The following ANKIB1 variants were observed in gnomAD, a reference collection of about 807,000 sequenced individuals.
The protein encoded by ANKIB1 is ankyrin repeat and IBR domain containing 1.
A neutral mutation model predicts 122.1 loss-of-function variants in ANKIB1; 43 were observed. The observed-to-expected ratio is 0.35, with a 90% confidence interval of 0.28 to 0.45. ANKIB1 has a LOEUF of 0.45. ANKIB1 is among the 20% of genes least tolerant of loss of function. The probability of loss-of-function intolerance (pLI) is 1.00; values close to 1 mark genes in which losing one functional copy is unlikely to be tolerated. For missense variants in ANKIB1, 992 were observed against 1,329.5 expected (o/e 0.75, Z 3.95); for synonymous variants, 390 against 442.0 (o/e 0.88, Z 1.48).
Position 92,399,078 on chromosome 7 carries a change from A to G in ANKIB1, c.*129A>G, listed in dbSNP as rs1804962098. On this transcript the variant is annotated 3_prime_UTR_variant, in exon 20 of 20. Transcript: ENST00000265742. ...AACCACTGACATTAGGGTTGAATAC[A>G]GAGAAGTTCCCTTGAATGGTAGCTT... The G allele has an allele frequency of 6.7e-6, 7 of 1,049,840 alleles. No homozygotes were observed. Among genetic ancestry groups the G allele is most frequent in the Non-Finnish European group, 8.9e-6 (7 of 789,148 alleles). 65.0% of individuals were successfully genotyped at this position (1,049,840 alleles called of 1,614,324 possible).
intron 4 of ANKIB1, among the ~76,000 whole-genome samples, chr7:92,321,371 A>G (rs1209058317): frequency 6.6e-6 from 1 of 152,102 alleles, no homozygotes; most frequent in Non-Finnish European, 1.5e-5. Flanking sequence ...CTTATCTGAA[A>G]CTTTATACCC....
At chr7:92,353,172 G>T (rs772039136) in intron 9 of ANKIB1, among the ~76,000 whole-genome samples, 23 of 152,162 alleles carry the variant, frequency 1.5e-4, no homozygotes, top group Non-Finnish European at 3.1e-4. Flanking sequence ...TTTTGATTTA[G>T]TAGGTTTTTG....
intron 17 of ANKIB1, 47 bp downstream of exon 17, chr7:92,392,339 G>A (rs769483005): frequency 2.0e-6 from 3 of 1,522,308 alleles, no homozygotes; most frequent in African/African-American, 2.8e-5. Context: ...TCTTAGTGCA[G>A]TCGTGCTTGC....
chr7:92,303,985 T>A (rs1802504486), intron 2 of ANKIB1, among the ~76,000 whole-genome samples: 1 of 152,122 alleles, frequency 6.6e-6, no homozygotes, highest in South Asian at 2.1e-4. Context: ...GATGGATTTT[T>A]TCCCCAGGTT....
At chr7:92,300,033 C>G (rs555509862) in intron 2 of ANKIB1, among the ~76,000 whole-genome samples, 1 of 152,236 alleles carries the variant, frequency 6.6e-6, no homozygotes, top group East Asian at 1.9e-4. Context: ...TCTTGAACTC[C>G]TGAGCTCAAG....
chr7:92,316,363 A>G (rs1802794027), intron 3 of ANKIB1, among the ~76,000 whole-genome samples: 2 of 152,206 alleles, frequency 1.3e-5, no homozygotes, highest in Admixed American at 6.5e-5. Context: ...TCTTTTACTT[A>G]CTGGTGTTCC....
intron 11 of ANKIB1, 125 bp downstream of exon 11, chr7:92,371,732 C>A: frequency 1.8e-6 from 2 of 1,111,210 alleles, no homozygotes; most frequent in Non-Finnish European, 2.5e-6. Flanking sequence ...AATCCCAGCA[C>A]TTCAGGAGGT....
intron 9 of ANKIB1, among the ~76,000 whole-genome samples, chr7:92,359,156 T>C (rs1803888788): frequency 6.6e-6 from 1 of 152,166 alleles, no homozygotes; most frequent in Non-Finnish European, 1.5e-5. Flanking sequence ...CATGCCATGG[T>C]GGTTTGCTGC....
intron 1 of ANKIB1, among the ~76,000 whole-genome samples, chr7:92,293,956 CTT>C (rs1022716076): frequency 7.2e-5 from 11 of 152,166 alleles, no homozygotes; most frequent in African/African-American, 2.7e-4. Context: ...TTAAGTAACT[CTT>C]ATAATCCTCA....
chr7:92,372,389 C>T (rs1288629725), intron 11 of ANKIB1, among the ~76,000 whole-genome samples: 2 of 151,984 alleles, frequency 1.3e-5, no homozygotes, highest in African/African-American at 4.8e-5. Flanking sequence ...GCAAATAATA[C>T]ACCATTTTTT....
chr7:92,267,839 A>G (rs1174552523), intron 1 of ANKIB1, among the ~76,000 whole-genome samples: 1 of 152,182 alleles, frequency 6.6e-6, no homozygotes. Context: ...GCCCTTTATC[A>G]TTCTCTAGAT....
At position 92,319,634 on chromosome 7, in the gene ANKIB1, T is replaced by C. The variant is rs1038769505; in HGVS notation, c.669+122T>C. ...CTTCTTTACAGTATTCTAAATATCC[T>C]GTCATCTTCATAGCCATAAAGTATA... On this transcript the variant is annotated intron_variant, in intron 4 of 19. Coordinates refer to ENST00000265742, the MANE Select transcript of ANKIB1 (RefSeq NM_019004.2). The C allele has an allele frequency of 4.5e-5, 44 of 982,124 alleles. No individual in the cohort carries two copies. In the African/African-American group the frequency reaches 7.2e-4, roughly 16 times the overall value. The allele number at this position is 982,124 out of a possible 1,614,324, so 60.8% of individuals were successfully genotyped here.
chr7:92,363,417 GAAAA>G (rs371496413), intron 10 of ANKIB1, among the ~76,000 whole-genome samples: 2 of 147,966 alleles, frequency 1.4e-5, no homozygotes, highest in Non-Finnish European at 3.0e-5. Context: ...CTCAAAAAAA[GAAAA>G]AAAAAATCCA....
chr7:92,391,099 G>T (rs1804774193), intron 15 of ANKIB1, 67 bp from the exon 16 acceptor site: 4 of 1,367,048 alleles, frequency 2.9e-6, no homozygotes, highest in Middle Eastern at 1.9e-4. Flanking sequence ...AAACCACATA[G>T]ACCCTGGATT....
intron 11 of ANKIB1, among the ~76,000 whole-genome samples, chr7:92,385,905 A>G (rs941471179): frequency 2.0e-5 from 3 of 152,046 alleles, no homozygotes; most frequent in Non-Finnish European, 2.9e-5. Context: ...AAATAAATAA[A>G]CCATTAAGAG....
At chr7:92,247,202 G>A (rs1201187939) in intron 1 of ANKIB1, among the ~76,000 whole-genome samples, 2 of 152,216 alleles carry the variant, frequency 1.3e-5, no homozygotes, top group Non-Finnish European at 2.9e-5. Context: ...CATTTCAGAA[G>A]AGCTTTACTG....
At position 92,338,927 on chromosome 7, in the gene ANKIB1, AAAAAAAATATATATAT is replaced by A. The variant is rs1160237618; in HGVS notation, c.788-4095_788-4080del. Among the ~76,000 whole-genome samples the A allele has an allele frequency of 2.8e-3, 134 of 47,594 alleles. 3 individuals are homozygous for A. The highest frequency in any genetic ancestry group is 9.5e-3 in the African/African-American group (128 of 13,528). The allele number at this position is 47,594 out of a possible 152,430, so 31.2% of individuals were successfully genotyped here. On this transcript the variant is annotated intron_variant, in intron 5 of 19. Coordinates refer to ENST00000265742, the MANE Select transcript of ANKIB1 (RefSeq NM_019004.2). ...ACTCCATCTCAAAAAAAAAAAAAAA[AAAAAAAATATATATAT>A]ATATATATATATATATATATATATA... is the stretch of plus-strand genomic sequence containing the variant.
intron 4 of ANKIB1, 71 bp downstream of exon 4, chr7:92,319,583 C>A: frequency 1.4e-6 from 2 of 1,461,074 alleles, no homozygotes; most frequent in Non-Finnish European, 1.9e-6. Context: ...TTGTATTTTT[C>A]TTCTTTAAAA....
chr7:92,328,342 A>G (rs746220127), intron 5 of ANKIB1, among the ~76,000 whole-genome samples: 1 of 152,098 alleles, frequency 6.6e-6, no homozygotes. Flanking sequence ...TATGGTAGCT[A>G]TTTCTCCCCA....
Sources: allele counts gnomAD v4.1 joint callset (sites outside exome capture counted in the v4.1 genomes callset), GRCh38; gene constraint gnomAD v4.1.1; transcripts MANE v1.5; gene names NCBI Gene and HGNC (gene_info 2026-07-23, HGNC 2026-07-21).